CD300A: variants seen among roughly 807,000 people sequenced by gnomAD.
CD300A encodes CMRF35-like molecule 8.
CD300A carries 22 observed loss-of-function variants against 33.6 expected under a neutral mutation model. That is an observed-to-expected ratio of 0.66 (90% CI 0.47 to 0.94). The LOEUF is 0.94. Ranked by LOEUF, CD300A falls within the 40% of genes least tolerant of loss-of-function variation. The pLI is 0.00. For synonymous variants in CD300A, 136 were observed against 148.1 expected, an observed-to-expected ratio of 0.92 and a Z score of 0.59; for missense variants, 326 against 360.5, an observed-to-expected ratio of 0.90 and a Z score of 0.77.
intron 1 of CD300A, among the ~76,000 whole-genome samples, chr17:74,472,474 T>C (rs1012321623): frequency 7.2e-5 from 11 of 152,188 alleles, no homozygotes; most frequent in Admixed American, 2.0e-4. Flanking sequence ...TTGCATCTGA[T>C]AATTATTTGG....
intron 4 of CD300A, among the ~76,000 whole-genome samples, chr17:74,479,026 C>A (rs1906660951): frequency 6.6e-6 from 1 of 152,132 alleles, no homozygotes; most frequent in Admixed American, 6.5e-5. Flanking sequence ...AAGTCTCTGG[C>A]TCCTCAAAGA....
chr17:74,469,099 A>G (rs4788836), intron 1 of CD300A, among the ~76,000 whole-genome samples: 80,040 of 152,038 alleles, frequency 0.53, 23,475 homozygotes, highest in African/African-American at 0.78. Context: ...AAATGTTTAC[A>G]TAAAATTGAA....
At chr17:74,470,983 G>A (rs1906062367) in intron 1 of CD300A, among the ~76,000 whole-genome samples, 1 of 152,000 alleles carries the variant, frequency 6.6e-6, no homozygotes, top group Non-Finnish European at 1.5e-5. Flanking sequence ...GTCTCACTCT[G>A]TCACCCAGGC....
At chr17:74,467,051 C>G in intron 1 of CD300A, 1 of 1,203,876 alleles carries the variant, frequency 8.3e-7, no homozygotes, top group South Asian at 2.0e-5. Context: ...GGAAGGGGGA[C>G]GAGAGGCAGG....
In CD300A at chr17:74,480,096, C is replaced by T. The variant is rs534134355; in HGVS notation, c.629-1193C>T. 6.6e-6 allele frequency among the ~76,000 whole-genome samples: 1 copy of T among 152,302 alleles called. No homozygotes were observed. The highest frequency in any genetic ancestry group is 2.1e-4 in the South Asian group (1 of 4,830). On this transcript the variant is annotated intron_variant, in intron 4 of 6. Coordinates refer to ENST00000360141, the MANE Select transcript of CD300A (RefSeq NM_007261.4). This position sits in a 1 kb window ranked among gnomAD's most constrained non-coding sequence, Gnocchi z 4.2. ...TCTCCTTCCCATCAGAACACTTGTC[C>T]CAGGTGGGGACAGGGAGGGCAGTGT...
At chr17:74,472,982 T>C (rs1906204230) in intron 1 of CD300A, among the ~76,000 whole-genome samples, 1 of 152,056 alleles carries the variant, frequency 6.6e-6, no homozygotes, top group Admixed American at 6.6e-5. Context: ...CAGATCAGTG[T>C]GTGGGCCGGT....
chr17:74,475,124 A>G (rs1385795545), intron 3 of CD300A, among the ~76,000 whole-genome samples: 1 of 152,194 alleles, frequency 6.6e-6, no homozygotes, highest in African/African-American at 2.4e-5. Flanking sequence ...AGGCCTCACA[A>G]TCAAGGCAGA....
intron 3 of CD300A, 44 bp downstream of exon 3, chr17:74,474,729 AGAG>A (rs751299011): frequency 6.2e-7 from 1 of 1,603,370 alleles, no homozygotes; most frequent in Admixed American, 1.7e-5. Context: ...CCCTGTGCTA[AGAG>A]GAGGAGCCCA....
At chr17:74,481,610 G>T (rs1404792600) in intron 5 of CD300A, 116 bp from the exon 6 acceptor site, 2 of 753,736 alleles carry the variant, frequency 2.7e-6, no homozygotes, top group African/African-American at 1.7e-5. Flanking sequence ...GGCAGGAAGG[G>T]GAAGGTGGGG....
At chr17:74,481,208 C>A in intron 4 of CD300A, 81 bp from the exon 5 acceptor site, 1 of 1,411,638 alleles carries the variant, frequency 7.1e-7, no homozygotes, top group South Asian at 1.2e-5. Flanking sequence ...AGGGAAAGGC[C>A]TTTTCCCAGA....
At chr17:74,469,041 G>C (rs1157043082) in intron 1 of CD300A, among the ~76,000 whole-genome samples, 1 of 152,096 alleles carries the variant, frequency 6.6e-6, no homozygotes, top group Non-Finnish European at 1.5e-5. Flanking sequence ...TATTATGCTG[G>C]CTTCATGGAA....
intron 3 of CD300A, among the ~76,000 whole-genome samples, chr17:74,475,594 A>G (rs1906408882): frequency 6.6e-6 from 1 of 152,200 alleles, no homozygotes; most frequent in Admixed American, 6.5e-5. Context: ...AGAAAAACAC[A>G]TGCAGTCACA....
At position 74,482,734 on chromosome 17, in the gene CD300A, G is replaced by C. The variant is rs186827893; in HGVS notation, c.774+901G>C. 1.2e-3 allele frequency among the ~76,000 whole-genome samples: 141 copies of C among 114,734 alleles called. 3 individuals carry two copies. The highest frequency in any genetic ancestry group is 7.6e-3 in the African/African-American group (139 of 18,238). The allele number at this position is 114,734 out of a possible 152,430, so 75.3% of individuals were successfully genotyped here. Reference sequence around the variant, plus strand: ...TCTTTCTTTCTTTCTTTCTTTCTTTGGAATCTCGCTCTATCCCCCAGGCTG... The same window carrying C: ...TCTTTCTTTCTTTCTTTCTTTCTTTCGAATCTCGCTCTATCCCCCAGGCTG... On this transcript the variant is annotated intron_variant, in intron 6 of 6. Transcript: ENST00000360141.
intron 3 of CD300A, among the ~76,000 whole-genome samples, chr17:74,476,208 A>G (rs1046352812): frequency 1.1e-4 from 16 of 152,168 alleles, no homozygotes; most frequent in African/African-American, 3.9e-4. Flanking sequence ...CTTTCTGGTG[A>G]CCAGCCCCAT....
intron 3 of CD300A, among the ~76,000 whole-genome samples, chr17:74,477,046 A>T (rs1254898923): frequency 6.6e-6 from 1 of 152,108 alleles, no homozygotes; most frequent in Non-Finnish European, 1.5e-5. Context: ...TATTTTTTTT[A>T]ATTGACCTTA....
At chr17:74,469,493 G>A (rs911549667) in intron 1 of CD300A, among the ~76,000 whole-genome samples, 14 of 151,980 alleles carry the variant, frequency 9.2e-5, no homozygotes, top group African/African-American at 3.1e-4. Flanking sequence ...TTATATCTGC[G>A]TCTTCTTTAT....
intron 3 of CD300A, among the ~76,000 whole-genome samples, chr17:74,475,476 G>A (rs1906400104): frequency 6.6e-6 from 1 of 152,142 alleles, no homozygotes; most frequent in Non-Finnish European, 1.5e-5. Flanking sequence ...TCCAATTCTG[G>A]TTTATGTGAC....
chr17:74,481,250 T>A, intron 4 of CD300A, 39 bp from the exon 5 acceptor site: 1 of 1,608,270 alleles, frequency 6.2e-7, no homozygotes, highest in African/African-American at 1.3e-5. Flanking sequence ...CTGGCCATTG[T>A]TCCGGGATTC....
chr17:74,479,373 T>A (rs1906688015), intron 4 of CD300A, among the ~76,000 whole-genome samples: 2 of 151,992 alleles, frequency 1.3e-5, no homozygotes, highest in African/African-American at 4.8e-5. Flanking sequence ...GCCTCCCAAA[T>A]AGCTGGGACT....
Sources: gnomAD v4.1 joint callset for allele counts (sites outside exome capture counted in the v4.1 genomes callset) on GRCh38, gnomAD v4.1.1 for gene constraint, Gnocchi (gnomAD v3.1) non-coding constraint, MANE v1.5 for transcripts, NCBI Gene and HGNC (gene_info 2026-07-23, HGNC 2026-07-21) for gene names.